ZFPM2: variants seen among roughly 807,000 people sequenced by gnomAD.
ZFPM2 encodes zinc finger protein, FOG family member 2, also known as zinc finger protein ZFPM2.
A neutral mutation model predicts 98.6 loss-of-function variants in ZFPM2; 20 were observed. The ratio of observed to expected loss-of-function variants is 0.20; its 90% CI spans 0.14 to 0.29. The LOEUF is 0.29. Among genes scored for constraint, ZFPM2 ranks in the 10% least tolerant of loss-of-function variants. ZFPM2 has a pLI of 1.00. For synonymous variants in ZFPM2, 518 were observed against 502.7 expected (o/e 1.03, Z -0.41); for missense variants, 1,310 against 1,388.6 (o/e 0.94, Z 0.90).
At chr8:105,568,739 T>A (rs1052440198) in intron 4 of ZFPM2, among the ~76,000 whole-genome samples, 45 of 152,212 alleles carry the variant, frequency 3.0e-4, no homozygotes, top group African/African-American at 1.0e-3. Context: ...GTCACTTAAC[T>A]CCTGTGCTTT....
At chr8:105,354,843 A>C (rs1413821344) in intron 1 of ZFPM2, among the ~76,000 whole-genome samples, 1 of 151,986 alleles carries the variant, frequency 6.6e-6, no homozygotes, top group Non-Finnish European at 1.5e-5. Flanking sequence ...GGTCCCACCT[A>C]CTCGGGAGGC....
intron 5 of ZFPM2, among the ~76,000 whole-genome samples, chr8:105,657,229 C>G (rs1449825150): frequency 6.6e-6 from 1 of 152,076 alleles, no homozygotes; most frequent in Non-Finnish European, 1.5e-5. Flanking sequence ...ACCTCTGTCT[C>G]CTGGGTTCAA....
At chr8:105,432,763 T>G (rs1417476118) in intron 2 of ZFPM2, among the ~76,000 whole-genome samples, 1 of 152,194 alleles carries the variant, frequency 6.6e-6, no homozygotes, top group Non-Finnish European at 1.5e-5. Context: ...AAAAATTATT[T>G]AAATATAAGC....
At chr8:105,736,216 G>A (rs571951098) in intron 5 of ZFPM2, among the ~76,000 whole-genome samples, 3 of 152,066 alleles carry the variant, frequency 2.0e-5, no homozygotes, top group South Asian at 4.1e-4. Flanking sequence ...TCTATGAGTT[G>A]AAGTGGGACC....
chr8:105,573,524 A>T (rs1440177306), intron 4 of ZFPM2, among the ~76,000 whole-genome samples: 2 of 152,202 alleles, frequency 1.3e-5, no homozygotes, highest in Non-Finnish European at 2.9e-5. Context: ...ATCATAACCA[A>T]AATCAAAGAT....
Position 105,639,761 on chromosome 8 carries a change from G to T in ZFPM2, c.532+5404G>T, listed in dbSNP as rs538865129. On this transcript the variant is annotated intron_variant, in intron 5 of 7. Coordinates refer to ENST00000407775, the MANE Select transcript of ZFPM2 (RefSeq NM_012082.4). ...AAAATGAAGCCAGGCCTCCATGTTG[G>T]TATCAAGCATATAGTGATATCGTAT... is the stretch of plus-strand genomic sequence containing the variant. Among the ~76,000 whole-genome samples, 21 of 152,080 alleles carry T rather than the reference G, an allele frequency of 1.4e-4. No homozygotes were observed. The South Asian group carries it at 4.4e-3, about 32-fold the overall frequency.
At chr8:105,666,970 A>G (rs1266831600) in intron 5 of ZFPM2, among the ~76,000 whole-genome samples, 1 of 152,206 alleles carries the variant, frequency 6.6e-6, no homozygotes, top group Non-Finnish European at 1.5e-5. Context: ...TTAAAGCACT[A>G]TGGTCATCTC....
intron 3 of ZFPM2, among the ~76,000 whole-genome samples, chr8:105,504,179 C>T (rs1404402996): frequency 1.3e-5 from 2 of 152,166 alleles, no homozygotes; most frequent in Non-Finnish European, 2.9e-5. Flanking sequence ...CATTTCATCC[C>T]TCTTAATTGC....
intron 5 of ZFPM2, among the ~76,000 whole-genome samples, chr8:105,711,204 A>G (rs934074600): frequency 2.6e-5 from 4 of 152,152 alleles, no homozygotes; most frequent in Non-Finnish European, 5.9e-5. Context: ...TATTCAGTAT[A>G]TGCATCCTTA....
rs183731304 is a variant in ZFPM2, at chr8:105,744,342, T to C, written c.533-44376T>C. 1.4e-4 allele frequency among the ~76,000 whole-genome samples: 21 copies of C among 152,232 alleles called. No individual in the cohort carries two copies. The East Asian group carries it at 4.1e-3, about 30-fold the overall frequency. ...TCCCAGTCTATCATATTCCCAGGAT[T>C]AGGAACCATGGTCTCACCTTTACCT... On this transcript the variant is annotated intron_variant, in intron 5 of 7. Coordinates refer to ENST00000407775, the MANE Select transcript of ZFPM2 (RefSeq NM_012082.4).
chr8:105,762,575 C>A (rs958388710), intron 5 of ZFPM2, among the ~76,000 whole-genome samples: 1 of 151,950 alleles, frequency 6.6e-6, no homozygotes, highest in African/African-American at 2.4e-5. Flanking sequence ...TGCCAAGAGA[C>A]CAGTATGTGC....
intron 3 of ZFPM2, among the ~76,000 whole-genome samples, chr8:105,501,133 G>C (rs1813585142): frequency 6.6e-6 from 1 of 151,416 alleles, no homozygotes; most frequent in Non-Finnish European, 1.5e-5. Flanking sequence ...AGGTGTTCTG[G>C]TAAGAACATG....
At chr8:105,370,464 T>C (rs939979799) in intron 1 of ZFPM2, among the ~76,000 whole-genome samples, 4 of 152,184 alleles carry the variant, frequency 2.6e-5, no homozygotes, top group African/African-American at 9.7e-5. Flanking sequence ...TGAATGGAGG[T>C]TGGGCTACAT....
chr8:105,375,944 T>C (rs1184740128), intron 1 of ZFPM2, among the ~76,000 whole-genome samples: 1 of 152,144 alleles, frequency 6.6e-6, no homozygotes, highest in Non-Finnish European at 1.5e-5. Context: ...CAAAATCCTT[T>C]CTTAACCCCA....
At chr8:105,533,589 C>T (rs766001259) in intron 3 of ZFPM2, among the ~76,000 whole-genome samples, 1 of 151,964 alleles carries the variant, frequency 6.6e-6, no homozygotes, top group Non-Finnish European at 1.5e-5. Context: ...AAAGAGAACC[C>T]TATATACTAA....
chr8:105,589,361 T>C (rs1432736669), intron 4 of ZFPM2, among the ~76,000 whole-genome samples: 1 of 152,204 alleles, frequency 6.6e-6, no homozygotes, highest in Admixed American at 6.5e-5. Context: ...GGAAGCTACC[T>C]TGACAAATCC....
intron 2 of ZFPM2, among the ~76,000 whole-genome samples, chr8:105,439,570 T>C (rs1480757335): frequency 6.6e-6 from 1 of 152,166 alleles, no homozygotes; most frequent in Non-Finnish European, 1.5e-5. Context: ...ACATGATATT[T>C]GAGGAAGTTC....
At chr8:105,429,458 A>G (rs1375483034) in intron 2 of ZFPM2, among the ~76,000 whole-genome samples, 1 of 150,458 alleles carries the variant, frequency 6.6e-6, no homozygotes, top group Non-Finnish European at 1.5e-5. Context: ...ATATATATAT[A>G]TATATATGGA....
chr8:105,616,628 G>A lies in ZFPM2; in HGVS notation c.421-17618G>A, dbSNP rs34013129. On this transcript the variant is annotated intron_variant, in intron 4 of 7. Coordinates refer to ENST00000407775, the MANE Select transcript of ZFPM2 (RefSeq NM_012082.4). Reference sequence around the variant, plus strand: ...GTATAAGTCTAAGTGATTTATAAGCGTTATTTAATATTTGCAACAGGTTCA... The same window carrying A: ...GTATAAGTCTAAGTGATTTATAAGCATTATTTAATATTTGCAACAGGTTCA... The A allele has an allele frequency of 4.4e-3, 1,474 of 338,346 alleles. 14 individuals are homozygous for A. Among genetic ancestry groups the A allele is most frequent in the African/African-American group, 0.016 (746 of 45,530 alleles). 21.0% of individuals were successfully genotyped at this position (338,346 alleles called of 1,614,324 possible).
Sources: allele counts gnomAD v4.1 joint callset (sites outside exome capture counted in the v4.1 genomes callset), GRCh38; gene constraint gnomAD v4.1.1; transcripts MANE v1.5; gene names NCBI Gene and HGNC (gene_info 2026-07-23, HGNC 2026-07-21).